The following MYB variants were observed in gnomAD, a reference collection of about 807,000 sequenced individuals.
MYB encodes transcriptional activator Myb.
MYB carries 28 observed loss-of-function variants against 92.9 expected under a neutral mutation model. The ratio of observed to expected loss-of-function variants is 0.30; its 90% confidence interval spans 0.22 to 0.41. MYB has a LOEUF of 0.41. MYB is among the 10% of genes least tolerant of loss of function. The pLI is 1.00. For missense variants in MYB, 679 were observed against 929.3 expected (o/e 0.73, Z 3.50); for synonymous variants, 295 against 329.1 (o/e 0.90, Z 1.12).
At position 135,189,965 on chromosome 6, in the gene MYB, G is replaced by A. The variant is rs1223437118; in HGVS notation, c.306+82G>A. On this transcript the variant is annotated intron_variant, in intron 4 of 15. Transcript: ENST00000341911. ...AATATTTTCCTATTTGAGGAAGCAG[G>A]TAAAATGGGCAAACAGGAAGTAGAG... 6.1e-6 allele frequency: 9 copies of A among 1,480,002 alleles called. No individual in the cohort carries two copies. In the Admixed American group the frequency reaches 9.2e-5, roughly 15 times the overall value. 91.7% of individuals were successfully genotyped at this position (1,480,002 alleles called of 1,614,324 possible).
chr6:135,196,181 C>G (rs377373912), intron 9 of MYB, among the ~76,000 whole-genome samples, 179 bp downstream of exon 9: 4 of 151,502 alleles, frequency 2.6e-5, no homozygotes, highest in African/African-American at 7.3e-5. Flanking sequence ...CATAGCCTAC[C>G]GAGAGAGACA....
intron 6 of MYB, 130 bp downstream of exon 6, chr6:135,192,688 T>A: frequency 1.2e-6 from 1 of 815,736 alleles, no homozygotes; most frequent in Admixed American, 2.2e-5. Flanking sequence ...TCTTCACCTA[T>A]GCCCTTTGAA....
At chr6:135,191,695 TAGTAAAA>T (rs1210643481) in intron 5 of MYB, among the ~76,000 whole-genome samples, 5 of 152,212 alleles carry the variant, frequency 3.3e-5, no homozygotes, top group African/African-American at 1.2e-4. Flanking sequence ...GGAAAGACTT[TAGTAAAA>T]ATGCGTTGCC....
intron 8 of MYB, 131 bp from the exon 9 acceptor site, chr6:135,195,616 TA>T: frequency 2.0e-6 from 2 of 981,556 alleles, no homozygotes; most frequent in Non-Finnish European, 1.5e-6. Flanking sequence ...TTCATAGGCG[TA>T]AGTTTGGGAT....
At chr6:135,198,600 A>G (rs1301512573) in intron 10 of MYB, among the ~76,000 whole-genome samples, 1 of 152,254 alleles carries the variant, frequency 6.6e-6, no homozygotes, top group Non-Finnish European at 1.5e-5. Flanking sequence ...AAGCCTTTTA[A>G]ATGTTAATAA....
At chr6:135,215,092 C>T (rs1583441345) in intron 15 of MYB, among the ~76,000 whole-genome samples, 1 of 152,192 alleles carries the variant, frequency 6.6e-6, no homozygotes, top group African/African-American at 2.4e-5. Flanking sequence ...ATAGACAGTG[C>T]TGTTGACATC....
chr6:135,196,181 C>T (rs377373912), intron 9 of MYB, among the ~76,000 whole-genome samples, 179 bp downstream of exon 9: 39 of 151,502 alleles, frequency 2.6e-4, no homozygotes, highest in African/African-American at 8.2e-4. Flanking sequence ...CATAGCCTAC[C>T]GAGAGAGACA....
At chr6:135,208,649 G>A (rs779418417) in intron 15 of MYB, among the ~76,000 whole-genome samples, 5 of 151,622 alleles carry the variant, frequency 3.3e-5, no homozygotes, top group Admixed American at 6.6e-5. Flanking sequence ...CCAAAGTGCT[G>A]GGATTACAGG....
At position 135,196,959 on chromosome 6, in the gene MYB, A is replaced by G; in HGVS notation, c.1204-2A>G. On this transcript the variant is annotated splice_acceptor_variant, in intron 9 of 15. Coordinates refer to ENST00000341911, the MANE Select transcript of MYB (RefSeq NM_001130173.2). LOFTEE classifies it high-confidence loss of function. ...AGTTCTGTGCCTCCCACATTGTTTC[A>G]GGATTCTTCATCATGGTGTGATCTC... 1.2e-6 allele frequency: 2 copies of G among 1,610,466 alleles called. No individual in the cohort carries two copies. Among genetic ancestry groups the G allele is most frequent in the Non-Finnish European group, 1.7e-6 (2 of 1,178,252 alleles).
In MYB at chr6:135,189,932, A is replaced by C. The variant is rs529842227; in HGVS notation, c.306+49A>C. ...GTGACTCATAATTAAGAATATTCCCAAAATGCTAATATTTTCCTATTTGAG... is the reference window on the plus strand; with the variant it reads ...GTGACTCATAATTAAGAATATTCCCCAAATGCTAATATTTTCCTATTTGAG... On this transcript the variant is annotated intron_variant, in intron 4 of 15. Coordinates refer to ENST00000341911, the MANE Select transcript of MYB (RefSeq NM_001130173.2). 24 of 1,544,618 alleles carry C rather than the reference A, an allele frequency of 1.6e-5. 1 individual carries two copies. In the African/African-American group the frequency reaches 2.5e-4, roughly 16 times the overall value.
At chr6:135,208,417 T>C (rs1779273224) in intron 15 of MYB, among the ~76,000 whole-genome samples, 1 of 151,954 alleles carries the variant, frequency 6.6e-6, no homozygotes, top group African/African-American at 2.4e-5. Flanking sequence ...GGCCTTGCTC[T>C]GTCACCCAGG....
chr6:135,207,869 G>A (rs1014302893), intron 15 of MYB, among the ~76,000 whole-genome samples: 5 of 151,280 alleles, frequency 3.3e-5, no homozygotes, highest in Non-Finnish European at 5.9e-5. Flanking sequence ...TGAGTAGCTG[G>A]GACTACAGAT....
chr6:135,189,472 G>A (rs556574362), intron 3 of MYB, among the ~76,000 whole-genome samples: 1 of 152,254 alleles, frequency 6.6e-6, no homozygotes, highest in East Asian at 1.9e-4. Context: ...CAAGCCTCAG[G>A]CTATGTAGAT....
At chr6:135,208,779 A>G (rs900266584) in intron 15 of MYB, among the ~76,000 whole-genome samples, 4 of 152,162 alleles carry the variant, frequency 2.6e-5, no homozygotes, top group Admixed American at 2.0e-4. Context: ...ATAACCTAAT[A>G]CCATCATTAC....
rs1443181566 is a variant in MYB at position 135,184,094 on chromosome 6, A to G, written c.24-1809A>G. On this transcript the variant is annotated intron_variant, in intron 1 of 15. Coordinates refer to ENST00000341911, the MANE Select transcript of MYB (RefSeq NM_001130173.2). ...GGTTGTTAAACCGCTGCGGAGAGAG[A>G]GGTGCTCAATGACTACTCTGAAAAA... 3.9e-5 allele frequency among the ~76,000 whole-genome samples: 6 copies of G among 152,092 alleles called. No homozygotes were observed. In the East Asian group the frequency reaches 1.2e-3, roughly 29 times the overall value.
chr6:135,203,288 AG>A lies in MYB; in HGVS notation c.2134del (p.Val712TyrfsTer30). 6.2e-7 allele frequency: 1 copy of A among 1,610,266 alleles called. No homozygotes were observed. The highest frequency in any genetic ancestry group is 8.5e-7 in the Non-Finnish European group (1 of 1,176,466). On this transcript the variant is annotated frameshift_variant, in exon 15 of 16. Transcript: ENST00000341911. LOFTEE classifies it high-confidence loss of function. ...AAGACAATGTTCTCAAAGCATTTAC[AG>A]TACCTAAAAACAGGTCCCTGGCGAG... ...DEDNVLKAFTVPKNRSLASPL... is the reference protein window; with the variant it reads ...DEDNVLKAFTXPKNRSLASPL...
chr6:135,216,254 A>T (rs1780416980), intron 15 of MYB, among the ~76,000 whole-genome samples: 1 of 152,180 alleles, frequency 6.6e-6, no homozygotes, highest in African/African-American at 2.4e-5. Context: ...AAGTCCAGGG[A>T]TGCTCAAGTC....
chr6:135,198,877 C>A (rs1562379858), intron 10 of MYB, 31 bp from the exon 11 acceptor site: 1 of 1,543,654 alleles, frequency 6.5e-7, no homozygotes. Context: ...ACCATCTAAT[C>A]TAAGTATTTT....
intron 15 of MYB, among the ~76,000 whole-genome samples, chr6:135,212,223 A>ACTTTTTTTTTTT (rs1779807954): frequency 5.9e-5 from 1 of 16,896 alleles, no homozygotes; most frequent in Non-Finnish European, 1.3e-4. Flanking sequence ...CTTTGGTTTT[A>ACTTTTTTTTTTT]CTTTTTTTTT....
Sources: gnomAD v4.1 joint callset for allele counts (sites outside exome capture counted in the v4.1 genomes callset) on GRCh38, gnomAD v4.1.1 for gene constraint, MANE v1.5 for transcripts, NCBI Gene and HGNC (gene_info 2026-07-23, HGNC 2026-07-21) for gene names.